The following MMP16 variants were observed in gnomAD, a reference collection of about 807,000 sequenced individuals.
The protein encoded by MMP16 is matrix metalloproteinase-16.
In MMP16, 12 loss-of-function variants were observed where a neutral mutation model predicts 67.8. The ratio of observed to expected loss-of-function variants is 0.18; its 90% CI spans 0.11 to 0.29. The LOEUF (loss-of-function observed/expected upper bound fraction) is 0.29. MMP16 is among the 10% of genes least tolerant of loss of function. The pLI is 1.00. For missense variants in MMP16, 475 were observed against 765.7 expected (o/e 0.62, Z 4.48); for synonymous variants, 249 against 255.9 (o/e 0.97, Z 0.26).
chr8:88,322,544 T>C (rs936359682), intron 1 of MMP16, among the ~76,000 whole-genome samples: 3 of 151,904 alleles, frequency 2.0e-5, no homozygotes, highest in Non-Finnish European at 2.9e-5. Flanking sequence ...AATAATGACA[T>C]GTGGCTAGAT....
intron 1 of MMP16, among the ~76,000 whole-genome samples, chr8:88,212,318 T>C (rs941222366): frequency 7.9e-5 from 12 of 152,138 alleles, no homozygotes; most frequent in African/African-American, 2.9e-4. Flanking sequence ...AAATTATACA[T>C]GTACAAAATG....
intron 6 of MMP16, among the ~76,000 whole-genome samples, chr8:88,105,977 AATCT>A (rs1385103416): frequency 6.6e-6 from 1 of 150,404 alleles, no homozygotes; most frequent in East Asian, 2.0e-4. Flanking sequence ...TTTATTTATA[AATCT>A]ATTTGTATAT....
intron 1 of MMP16, among the ~76,000 whole-genome samples, chr8:88,217,364 T>C (rs1438904972): frequency 6.6e-6 from 1 of 152,102 alleles, no homozygotes; most frequent in African/African-American, 2.4e-5. Context: ...TACTCACATA[T>C]ACATGTGCCC....
chr8:88,246,791 T>A (rs893176946), intron 1 of MMP16, among the ~76,000 whole-genome samples: 3 of 152,178 alleles, frequency 2.0e-5, no homozygotes, highest in Non-Finnish European at 4.4e-5. Flanking sequence ...AAACTTTCTC[T>A]TATCCAGTGG....
chr8:88,319,656 G>A (rs955318631), intron 1 of MMP16, among the ~76,000 whole-genome samples: 1 of 152,074 alleles, frequency 6.6e-6, no homozygotes, highest in African/African-American at 2.4e-5. Flanking sequence ...TCCATCAGCC[G>A]CATGCAGAGG....
At chr8:88,207,831 G>A (rs754299445) in intron 1 of MMP16, among the ~76,000 whole-genome samples, 1 of 152,108 alleles carries the variant, frequency 6.6e-6, no homozygotes, top group Admixed American at 6.6e-5. Flanking sequence ...TTGTATGTGG[G>A]TGCAGGATTA....
intron 1 of MMP16, among the ~76,000 whole-genome samples, chr8:88,293,299 T>G (rs563497344): frequency 6.6e-5 from 10 of 152,214 alleles, no homozygotes; most frequent in Middle Eastern, 3.4e-3. Flanking sequence ...GTGATCTAAG[T>G]GATTACCCTT....
chr8:88,305,134 G>A (rs950382886), intron 1 of MMP16, among the ~76,000 whole-genome samples: 4 of 151,938 alleles, frequency 2.6e-5, no homozygotes. Context: ...AAAAAAGCAG[G>A]GATTGCAATC....
At chr8:88,165,145 C>G (rs189293908) in intron 4 of MMP16, among the ~76,000 whole-genome samples, 292 of 141,652 alleles carry the variant, frequency 2.1e-3, no homozygotes, top group Non-Finnish European at 2.9e-3. Context: ...GAGTTCAAGT[C>G]CAGCCTGGGC....
At chr8:88,312,004 G>A (rs1811302188) in intron 1 of MMP16, among the ~76,000 whole-genome samples, 1 of 152,156 alleles carries the variant, frequency 6.6e-6, no homozygotes, top group South Asian at 2.1e-4. Context: ...TGGGGATTTG[G>A]TGCCCACTCT....
chr8:88,096,398 C>T (rs1809027188), intron 6 of MMP16, among the ~76,000 whole-genome samples: 1 of 151,842 alleles, frequency 6.6e-6, no homozygotes, highest in South Asian at 2.1e-4. Flanking sequence ...GATACATTGG[C>T]TAATCATAAC....
chr8:88,257,477 T>C (rs951862014), intron 1 of MMP16, among the ~76,000 whole-genome samples: 4 of 152,218 alleles, frequency 2.6e-5, no homozygotes, highest in Admixed American at 1.3e-4. Flanking sequence ...TAGTTTACAA[T>C]TACTTTTGCC....
chr8:88,203,108 T>TTTC, intron 1 of MMP16, among the ~76,000 whole-genome samples: 1 of 146,856 alleles, frequency 6.8e-6, no homozygotes, highest in East Asian at 2.0e-4. Flanking sequence ...GAACTTCTTT[T>TTTC]TTTTTTTTTT....
intron 1 of MMP16, among the ~76,000 whole-genome samples, chr8:88,259,548 C>T (rs148788219): frequency 3.3e-5 from 5 of 150,908 alleles, no homozygotes; most frequent in Admixed American, 2.6e-4. Flanking sequence ...GTGATATGTA[C>T]AGAAGGATCC....
At chr8:88,138,622 T>C (rs1808161616) in intron 4 of MMP16, among the ~76,000 whole-genome samples, 1 of 152,008 alleles carries the variant, frequency 6.6e-6, no homozygotes, top group South Asian at 2.1e-4. Flanking sequence ...CTCCAGAAGA[T>C]TCCTAAAAGT....
At chr8:88,097,965 A>G (rs9771895) in intron 6 of MMP16, among the ~76,000 whole-genome samples, 65,742 of 151,588 alleles carry the variant, frequency 0.43, 14,636 homozygotes, top group Middle Eastern at 0.53. Flanking sequence ...GACTTTTGAC[A>G]CCAACGGCGA....
chr8:88,294,473 CAT>C (rs1416191779), intron 1 of MMP16, among the ~76,000 whole-genome samples: 1 of 149,608 alleles, frequency 6.7e-6, no homozygotes, highest in Non-Finnish European at 1.5e-5. Context: ...TCTGTACACA[CAT>C]ATGTATGTCT....
intron 1 of MMP16, among the ~76,000 whole-genome samples, chr8:88,306,142 G>C (rs554705209): frequency 1.3e-5 from 2 of 152,128 alleles, no homozygotes; most frequent in Non-Finnish European, 2.9e-5. Context: ...ACAACCATGA[G>C]AGAATACTAT....
At chr8:88,279,551 T>G (rs2129990576) in intron 1 of MMP16, among the ~76,000 whole-genome samples, 1 of 152,256 alleles carries the variant, frequency 6.6e-6, no homozygotes, top group East Asian at 1.9e-4. Flanking sequence ...ACTGCATTGT[T>G]CTCATGTAGG....
Sources: gnomAD v4.1 joint callset for allele counts (sites outside exome capture counted in the v4.1 genomes callset) on GRCh38, gnomAD v4.1.1 for gene constraint, MANE v1.5 for transcripts, NCBI Gene and HGNC (gene_info 2026-07-23, HGNC 2026-07-21) for gene names.